The following PRL variants were observed in gnomAD, a reference collection of about 807,000 sequenced individuals.
PRL encodes prolactin, also known as decidual prolactin.
In PRL, 24 loss-of-function variants were observed where a neutral mutation model predicts 21.3. That is an observed-to-expected ratio of 1.13 (90% CI 0.82 to 1.59). The LOEUF is 1.59. Ranked by LOEUF, PRL falls within the 40% of genes most tolerant of loss-of-function variation. The pLI is 0.00. For synonymous variants in PRL, 118 were observed against 115.7 expected (o/e 1.02, Z -0.13); for missense variants, 243 against 286.9 (o/e 0.85, Z 1.10).
At chr6:22,294,688 C>A in intron 1 of PRL, 104 bp from the exon 2 acceptor site, 2 of 1,288,762 alleles carry the variant, frequency 1.6e-6, no homozygotes, top group Admixed American at 2.9e-5. Context: ...CTGCCCTCAG[C>A]TGCCTGATTT....
At position 22,287,987 on chromosome 6, in the gene PRL, C is replaced by A. The variant is rs149057463; in HGVS notation, c.493-394G>T. On this transcript the variant is annotated intron_variant, in intron 4 of 4. Coordinates refer to ENST00000306482, the MANE Select transcript of PRL (RefSeq NM_000948.6). ...CCTGATGTATCCCTTGTGCTTTATTCTTCCTGACATCATTTATTTTCTTCC... is the reference window on the plus strand; with the variant it reads ...CCTGATGTATCCCTTGTGCTTTATTATTCCTGACATCATTTATTTTCTTCC... 1.0e-3 allele frequency among the ~76,000 whole-genome samples: 159 copies of A among 152,260 alleles called. 2 individuals carry two copies. In the East Asian group the frequency reaches 0.018, roughly 17 times the overall value.
In PRL at chr6:22,290,270, A is replaced by G; in HGVS notation, c.396T>C (p.Gly132=). The change falls in exon 4 of 5, where the codon GGT becomes GGC. Residue 132 remains glycine, a synonymous_variant. Transcript: ENST00000306482. ...PLYHLVTEVR[G]MQEAPEAILS... ...GGATAGCCTCCGGGGCTTCTTGCATACCACGTACTTCCGTGACCAGATGAT... is the reference window on the plus strand; with the variant it reads ...GGATAGCCTCCGGGGCTTCTTGCATGCCACGTACTTCCGTGACCAGATGAT... 6.2e-7 allele frequency: 1 copy of G among 1,612,870 alleles called. No homozygotes were observed.
In PRL at chr6:22,288,926, G is replaced by C. The variant is rs563374204; in HGVS notation, c.492+1248C>G. Among the ~76,000 whole-genome samples the C allele has an allele frequency of 1.2e-4, 18 of 150,782 alleles. No homozygotes were observed. The South Asian group carries it at 1.5e-3, about 12-fold the overall frequency. On this transcript the variant is annotated intron_variant, in intron 4 of 4. Transcript: ENST00000306482. This position sits in a 1 kb window ranked among gnomAD's most constrained non-coding sequence, Gnocchi z 4.5. ...TGCGCGCGCGTGTGTGTGCGTGCGC[G>C]TGTGTGTGCATGTGTGTGTGCGTGC... is the stretch of plus-strand genomic sequence containing the variant.
At chr6:22,298,628 G>A (rs141717930), upstream of PRL, among the ~76,000 whole-genome samples, 203 of 152,288 alleles carry the variant, frequency 1.3e-3, no homozygotes, top group Middle Eastern at 3.4e-3. Context: ...AACATCAAAT[G>A]TGATGATTCA....
chr6:22,296,884 T>C lies in PRL; in HGVS notation c.28+71A>G, dbSNP rs573959872. The C allele has an allele frequency of 1.2e-5, 19 of 1,524,974 alleles. No individual in the cohort carries two copies. The African/African-American group carries it at 2.5e-4, about 20-fold the overall frequency. The allele number at this position is 1,524,974 out of a possible 1,614,324, so 94.5% of individuals were successfully genotyped here. On this transcript the variant is annotated intron_variant, in intron 1 of 4. Transcript: ENST00000306482. ...TAAACCTGCAAGCTCTTGTTATTAG[T>C]TAAAATTTCACATTAATCCCCCCAC...
chr6:22,293,651 G>A (rs1196263430), intron 2 of PRL, among the ~76,000 whole-genome samples: 8 of 43,056 alleles, frequency 1.9e-4, no homozygotes, highest in South Asian at 8.8e-4. Context: ...AGGAAGGAAG[G>A]AAGGAAGGAA....
At chr6:22,292,734 G>T in intron 2 of PRL, 89 bp from the exon 3 acceptor site, 1 of 1,050,720 alleles carries the variant, frequency 9.5e-7, no homozygotes, top group Non-Finnish European at 1.3e-6. Flanking sequence ...ACCTTTGGCA[G>T]ATGTGTAATT....
At chr6:22,296,806 C>A (rs1262338331) in intron 1 of PRL, 149 bp downstream of exon 1, 3 of 738,984 alleles carry the variant, frequency 4.1e-6, no homozygotes, top group East Asian at 5.4e-5. Context: ...TTCTATGGTG[C>A]CCTTGTAAAA....
At chr6:22,287,682 G>A (rs1760952476) in intron 4 of PRL, 89 bp from the exon 5 acceptor site, 1 of 1,200,040 alleles carries the variant, frequency 8.3e-7, no homozygotes, top group East Asian at 2.5e-5. Flanking sequence ...TAAGAATTGA[G>A]AATGAGATAT....
At chr6:22,296,933 C>T (rs745607317) in intron 1 of PRL, 22 bp downstream of exon 1, 23 of 1,612,536 alleles carry the variant, frequency 1.4e-5, no homozygotes, top group Admixed American at 5.0e-5. Flanking sequence ...CAACCAACAA[C>T]GCAGTGAGTT....
chr6:22,291,960 T>G (rs899544619), intron 3 of PRL, among the ~76,000 whole-genome samples: 2 of 152,194 alleles, frequency 1.3e-5, no homozygotes, highest in African/African-American at 4.8e-5. Flanking sequence ...AAATATTATG[T>G]TTTACAGGAT....
upstream of PRL, among the ~76,000 whole-genome samples, chr6:22,300,383 G>T (rs934179198): frequency 6.6e-6 from 1 of 152,192 alleles, no homozygotes; most frequent in Non-Finnish European, 1.5e-5. Flanking sequence ...TAGCAGCTGA[G>T]CTTTCAGCCA....
intron 1 of PRL, 35 bp downstream of exon 1, chr6:22,296,920 A>G (rs1761191080): frequency 1.2e-6 from 2 of 1,605,872 alleles, no homozygotes; most frequent in African/African-American, 2.7e-5. Context: ...AGGAGTGTTG[A>G]TACAACCAAC....
chr6:22,295,204 T>TC (rs57075204), intron 1 of PRL, among the ~76,000 whole-genome samples: 2,284 of 50,496 alleles, frequency 0.045, 47 homozygotes, highest in African/African-American at 0.11. Flanking sequence ...ACATTAAATT[T>TC]TTTTTATATT....
chr6:22,297,944 G>A (rs1025176361), upstream of PRL, among the ~76,000 whole-genome samples: 5 of 152,196 alleles, frequency 3.3e-5, no homozygotes, highest in African/African-American at 1.2e-4. Flanking sequence ...TATGAGGAAG[G>A]CTGGGAAATG....
chr6:22,291,228 G>T (rs894180310), intron 3 of PRL, among the ~76,000 whole-genome samples: 8 of 151,372 alleles, frequency 5.3e-5, no homozygotes, highest in Admixed American at 3.9e-4. Context: ...TGAAAGAAAT[G>T]AGCTATAAAG....
rs568741640 is a variant in PRL, at chr6:22,290,208, C to T, written c.458G>A (p.Arg153Gln). 5.0e-6 allele frequency: 8 copies of T among 1,603,464 alleles called. No individual in the cohort carries two copies. Among genetic ancestry groups the T allele is most frequent in the African/African-American group, 2.7e-5 (2 of 74,908 alleles). ...KAVEIEEQTK[R>Q]LLEGMELIVS... ...TATCAGCTCCATGCCCTCTAGAAGC[C>T]GTTTGGTTTGCTCCTCAATCTCTAC... Residue 153 changes from arginine (R) to glutamine (Q), a missense_variant, in exon 4 of 5, where the codon CGG becomes CAG. Arg to Gln is a conservative substitution (Grantham distance 43). Transcript: ENST00000306482.
chr6:22,290,058 G>T lies in PRL; in HGVS notation c.492+116C>A, dbSNP rs528098637. The T allele has an allele frequency of 8.5e-6, 8 of 938,542 alleles. No individual in the cohort carries two copies. In the African/African-American group the frequency reaches 1.2e-4, roughly 14 times the overall value. 58.1% of individuals were successfully genotyped at this position (938,542 alleles called of 1,614,324 possible). A position where few individuals can be genotyped will look rare whatever the true frequency, so the allele number is the denominator to read the frequency against. On this transcript the variant is annotated intron_variant, in intron 4 of 4. Coordinates refer to ENST00000306482, the MANE Select transcript of PRL (RefSeq NM_000948.6). Reference sequence around the variant, plus strand: ...GACTAGGCTCTTGCTTTATTTAATAGCGGTCTATAATATGGAATGCCTAAA... The same window carrying T: ...GACTAGGCTCTTGCTTTATTTAATATCGGTCTATAATATGGAATGCCTAAA...
chr6:22,290,322 A>G lies in PRL; in HGVS notation c.344T>C (p.Ile115Thr). Residue 115 changes from isoleucine (I) to threonine (T), a missense_variant, in exon 4 of 5, where the codon ATA becomes ACA. Physicochemically the swap from Ile to Thr is moderately conservative, Grantham distance 89 (BLOSUM62 -1). Transcript: ENST00000306482. Reference protein sequence around the residue: ...QKDFLSLIVSILRSWNEPLYH... With the variant: ...QKDFLSLIVSTLRSWNEPLYH... ...CAGAGGCTCATTCCAGGATCGCAAT[A>G]TGCTGACTATCAGGCTCAGAAAGTC... 6.2e-7 allele frequency: 1 copy of G among 1,605,654 alleles called. No individual in the cohort carries two copies. The highest frequency in any genetic ancestry group is 8.5e-7 in the Non-Finnish European group (1 of 1,174,132).
Sources: gnomAD v4.1 joint callset for allele counts (sites outside exome capture counted in the v4.1 genomes callset) on GRCh38, gnomAD v4.1.1 for gene constraint, Gnocchi (gnomAD v3.1) non-coding constraint, MANE v1.5 for transcripts, NCBI Gene and HGNC (gene_info 2026-07-23, HGNC 2026-07-21) for gene names.